CIP2A: variants seen among roughly 807,000 people sequenced by gnomAD.
The protein encoded by CIP2A is cellular inhibitor of PP2A.
CIP2A carries 103 observed loss-of-function variants against 110.9 expected under a neutral mutation model. That is an observed-to-expected ratio of 0.93 (90% confidence interval 0.79 to 1.09). The LOEUF (loss-of-function observed/expected upper bound fraction) is 1.09, where lower values mean the gene tolerates loss of function less well. Ranked by LOEUF, CIP2A falls within the 50% of genes least tolerant of loss-of-function variation. CIP2A has a pLI of 0.00. For missense variants in CIP2A, 1,088 were observed against 1,038.4 expected (o/e 1.05, Z -0.66); for synonymous variants, 381 against 361.6 (o/e 1.05, Z -0.61).
chr3:108,563,291 A>C, intron 12 of CIP2A, 47 bp from the exon 13 acceptor site: 1 of 1,108,110 alleles, frequency 9.0e-7, no homozygotes, highest in African/African-American at 1.5e-5. Context: ...AGAATAAACA[A>C]TGTCAGCTCT....
intron 17 of CIP2A, among the ~76,000 whole-genome samples, chr3:108,556,492 T>G (rs1937805161): frequency 6.6e-6 from 1 of 152,158 alleles, no homozygotes; most frequent in Non-Finnish European, 1.5e-5. Context: ...CAACACTAAT[T>G]TGAAAATCCA....
intron 8 of CIP2A, among the ~76,000 whole-genome samples, chr3:108,570,424 T>C (rs1450106645): frequency 6.6e-6 from 1 of 152,134 alleles, no homozygotes; most frequent in African/African-American, 2.4e-5. Flanking sequence ...CACTTAGTGA[T>C]GCATATGTTG....
Position 108,560,771 on chromosome 3 carries a change from GC to G in CIP2A, c.1704del (p.Met568IlefsTer14), listed in dbSNP as rs755837080. The G allele has an allele frequency of 9.3e-6, 15 of 1,612,708 alleles. No homozygotes were observed. In the East Asian group the frequency reaches 2.9e-4, roughly 31 times the overall value. Reference sequence around the variant, plus strand: ...AAACTGTGATTTGATGATTGCCAGGGCATTTTTCTGGGTATATGTTCTGTTT... The same window carrying G: ...AAACTGTGATTTGATGATTGCCAGGGATTTTTCTGGGTATATGTTCTGTTT... ...QQETEHIPRKMPWQSSNHSFP... is the reference protein window; with the variant it reads ...QQETEHIPRKXPWQSSNHSFP... On this transcript the variant is annotated frameshift_variant, in exon 14 of 21. Transcript: ENST00000295746. LOFTEE classifies it high-confidence loss of function.
chr3:108,553,573 A>C, intron 19 of CIP2A, 75 bp downstream of exon 19: 1 of 1,291,912 alleles, frequency 7.7e-7, no homozygotes, highest in Non-Finnish European at 1.1e-6. Context: ...AAAATAAAAA[A>C]GCAAACAAAA....
intron 4 of CIP2A, 60 bp downstream of exon 4, chr3:108,582,048 G>A: frequency 1.3e-6 from 1 of 770,032 alleles, no homozygotes; most frequent in Non-Finnish European, 2.1e-6. Flanking sequence ...TCTACCACAT[G>A]GTTGTAATTT....
At position 108,568,318 on chromosome 3, in the gene CIP2A, G is replaced by T; in HGVS notation, c.1114-4C>A. The T allele has an allele frequency of 1.2e-6, 2 of 1,610,230 alleles. No individual in the cohort carries two copies. The highest frequency in any genetic ancestry group is 1.1e-5 in the South Asian group (1 of 90,758). On this transcript the variant is annotated splice_region_variant and splice_polypyrimidine_tract_variant and intron_variant, in intron 9 of 20. Transcript: ENST00000295746. ...AGTTAGCAGCATCTATGACATCCTG[G>T]AGAATTATCCATCACAAATGATTAA... is the stretch of plus-strand genomic sequence containing the variant.
chr3:108,587,106 AT>A (rs968716450), intron 1 of CIP2A, among the ~76,000 whole-genome samples: 1 of 152,186 alleles, frequency 6.6e-6, no homozygotes, highest in African/African-American at 2.4e-5. Flanking sequence ...AAAATGGCAT[AT>A]TTCAGAAAAT....
In CIP2A at chr3:108,566,493, T is replaced by C; in HGVS notation, c.1415+4A>G. On this transcript the variant is annotated splice_donor_region_variant and intron_variant, in intron 11 of 20. Transcript: ENST00000295746. ...CATTTTGTCATTAGAGTTTATATACTCACCATAATTCAGAATCTGCAACCT... is the reference window on the plus strand; with the variant it reads ...CATTTTGTCATTAGAGTTTATATACCCACCATAATTCAGAATCTGCAACCT... The C allele has an allele frequency of 6.2e-7, 1 of 1,603,390 alleles. No individual in the cohort carries two copies. Among genetic ancestry groups the C allele is most frequent in the Non-Finnish European group, 8.5e-7 (1 of 1,175,232 alleles).
intron 5 of CIP2A, among the ~76,000 whole-genome samples, chr3:108,580,836 C>G (rs1023304678): frequency 3.3e-5 from 5 of 152,074 alleles, no homozygotes; most frequent in African/African-American, 9.7e-5. Flanking sequence ...CCATGTTGGC[C>G]GAGATGGTCT....
Position 108,552,269 on chromosome 3 carries a change from T to A in CIP2A, c.2512A>T (p.Arg838Ter). Residue 838 changes from arginine to a stop codon, truncating the protein, a stop_gained, in exon 20 of 21, where the codon AGA becomes TGA. Transcript: ENST00000295746. LOFTEE classifies it high-confidence loss of function. ...TIDILRKELS[R>*]TEQIRKELSI... ...AACTCTTTTCTTATCTGTTCTGTTCTGCTTAATTCTTTTCTAAGGATATCA... is the reference window on the plus strand; with the variant it reads ...AACTCTTTTCTTATCTGTTCTGTTCAGCTTAATTCTTTTCTAAGGATATCA... The A allele has an allele frequency of 6.3e-7, 1 of 1,580,648 alleles. No individual in the cohort carries two copies. Among genetic ancestry groups the A allele is most frequent in the Non-Finnish European group, 8.6e-7 (1 of 1,163,492 alleles).
rs757085070 is a variant in CIP2A at position 108,585,105 on chromosome 3, A to G, written c.210T>C (p.Ala70=). ...VELLEDPNIS[A]SLILSIIGLL... ...AACCGATAATACTTAAGATCAGTGA[A>G]GCACTTATGTTGGGGTCTTCAAGTA... The change falls in exon 2 of 21, where the codon GCT becomes GCC. Residue 70 remains alanine (A), a synonymous_variant. Transcript: ENST00000295746. 2 of 1,613,370 alleles carry G rather than the reference A, an allele frequency of 1.2e-6. No homozygotes were observed. The highest frequency in any genetic ancestry group is 1.7e-6 in the Non-Finnish European group (2 of 1,179,586).
At chr3:108,563,297 G>A (rs1938071796) in intron 12 of CIP2A, 53 bp from the exon 13 acceptor site, 1 of 1,054,376 alleles carries the variant, frequency 9.5e-7, no homozygotes, top group Non-Finnish European at 1.5e-6. Flanking sequence ...AACAATGTCA[G>A]CTCTTTTAGA....
In CIP2A at chr3:108,563,244, C is replaced by A. The variant is rs964726687; in HGVS notation, c.1516G>T (p.Asp506Tyr). 2.5e-6 allele frequency: 4 copies of A among 1,586,400 alleles called. No homozygotes were observed. Among genetic ancestry groups the A allele is most frequent in the East Asian group, 4.5e-5 (2 of 44,714 alleles). ...GCCAAAGGAGTAATCAAACGTGGGTCCTAAATAAATCAGAAACCAAAAAAG... is the reference window on the plus strand; with the variant it reads ...GCCAAAGGAGTAATCAAACGTGGGTACTAAATAAATCAGAAACCAAAAAAG... Reference protein sequence around the residue: ...MEVSFYKILQDPRLITPLAFA... With the variant: ...MEVSFYKILQYPRLITPLAFA... The change falls in exon 13 of 21, where the codon GAC (aspartate) becomes TAC (tyrosine). Residue 506 changes from aspartate (D) to tyrosine (Y), a missense_variant and splice_region_variant. Asp to Tyr is a radical substitution (Grantham distance 160, BLOSUM62 -3). Transcript: ENST00000295746.
At chr3:108,589,075 C>G (rs563257086) in intron 1 of CIP2A, among the ~76,000 whole-genome samples, 199 bp downstream of exon 1, 4 of 152,360 alleles carry the variant, frequency 2.6e-5, no homozygotes, top group East Asian at 3.9e-4. Flanking sequence ...TTTCCTAGAG[C>G]CTTCAGTGAG....
chr3:108,568,606 C>G (rs555597230), intron 9 of CIP2A, among the ~76,000 whole-genome samples: 3 of 151,852 alleles, frequency 2.0e-5, no homozygotes, highest in South Asian at 2.1e-4. Flanking sequence ...CTACTGAAAA[C>G]AAATATCCTG....
chr3:108,568,113 GGTTA>G (rs746753264), intron 10 of CIP2A, 38 bp downstream of exon 10: 81 of 1,466,982 alleles, frequency 5.5e-5, no homozygotes, highest in Non-Finnish European at 6.9e-5. Context: ...AAAAAAGAAT[GGTTA>G]GTTATACAGT....
intron 1 of CIP2A, chr3:108,585,586 G>A (rs1428720276): frequency 2.2e-5 from 9 of 416,158 alleles, no homozygotes; most frequent in Non-Finnish European, 3.3e-5. Context: ...TTGAACATGC[G>A]ATGAAGGCAT....
At position 108,553,628 on chromosome 3, in the gene CIP2A, TTAAA is replaced by T; in HGVS notation, c.2407+16_2407+19del. Reference sequence around the variant, plus strand: ...AAATACATTAAAAATAGAAAATGTATTAAATAAGAAGCCACTTACTTGCTAGCTT... The same window carrying T: ...AAATACATTAAAAATAGAAAATGTATTAAGAAGCCACTTACTTGCTAGCTT... On this transcript the variant is annotated intron_variant, in intron 19 of 20. Coordinates refer to ENST00000295746, the MANE Select transcript of CIP2A (RefSeq NM_020890.3). The T allele has an allele frequency of 6.5e-7, 1 of 1,545,736 alleles. No homozygotes were observed.
chr3:108,588,226 G>A (rs1939148402), intron 1 of CIP2A, among the ~76,000 whole-genome samples: 1 of 152,202 alleles, frequency 6.6e-6, no homozygotes, highest in Non-Finnish European at 1.5e-5. Context: ...CAGAAGCAAA[G>A]CCTTAAGCAT....
Sources: allele counts gnomAD v4.1 joint callset (sites outside exome capture counted in the v4.1 genomes callset), GRCh38; gene constraint gnomAD v4.1.1; transcripts MANE v1.5; gene names NCBI Gene and HGNC (gene_info 2026-07-23, HGNC 2026-07-21).